The following CRYBG1 variants were observed in gnomAD, a reference collection of about 807,000 sequenced individuals.
The protein encoded by CRYBG1 is crystallin beta-gamma domain containing 1.
Under a neutral mutation model 189.2 loss-of-function variants are expected in CRYBG1, and 139 were observed. That is an observed-to-expected ratio of 0.73 (90% CI 0.64 to 0.85). The LOEUF is 0.85. Among genes scored for constraint, CRYBG1 ranks in the 40% least tolerant of loss-of-function variants. The pLI is 0.00. For missense variants in CRYBG1, 2,611 were observed against 2,675.8 expected (o/e 0.98, Z 0.53); for synonymous variants, 1,023 against 1,017.1 (o/e 1.01, Z -0.11).
Position 106,512,995 on chromosome 6 carries a change from C to A in CRYBG1, c.1878C>A (p.Asn626Lys), listed in dbSNP as rs748033894. The A allele has an allele frequency of 1.2e-6, 2 of 1,609,558 alleles. No homozygotes were observed. Among genetic ancestry groups the A allele is most frequent in the Non-Finnish European group, 1.7e-6 (2 of 1,179,776 alleles). ...ACGCCGACGGCTTGAAGCCCAGGAA[C>A]CATTTCGGCGTGGGCAGGTCGACAG... ...ASDADGLKPR[N>K]HFGVGRSTVT... is the part of the protein sequence containing the mutation. The change falls in exon 3 of 22, where the codon AAC becomes AAA. Residue 626 changes from asparagine (N) to lysine (K), a missense_variant. Coordinates refer to ENST00000633556, the MANE Select transcript of CRYBG1 (RefSeq NM_001371242.2).
intron 2 of CRYBG1, among the ~76,000 whole-genome samples, chr6:106,475,996 G>C (rs563952925): frequency 6.6e-6 from 1 of 152,152 alleles, no homozygotes; most frequent in African/African-American, 2.4e-5. Flanking sequence ...ATGAGTACCT[G>C]TGTAAGTAGG....
intron 1 of CRYBG1, among the ~76,000 whole-genome samples, chr6:106,450,454 A>G (rs1771761806): frequency 6.6e-6 from 1 of 152,126 alleles, no homozygotes; most frequent in Non-Finnish European, 1.5e-5. Context: ...GGCATTCTTC[A>G]TTCAAAGCTG....
intron 3 of CRYBG1, among the ~76,000 whole-genome samples, chr6:106,517,327 T>TATACAC (rs1179339267): frequency 8.5e-5 from 10 of 117,038 alleles, no homozygotes; most frequent in African/African-American, 3.3e-4. Flanking sequence ...CATATATATA[T>TATACAC]ACACATATAT....
chr6:106,451,843 AT>A lies in CRYBG1; in HGVS notation c.312+14del, dbSNP rs373977816. ...GGAATATTTAAAAAGGTAATGCTTC[AT>A]TTCTAATGTTTGACTCCCAAGAATA... On this transcript the variant is annotated intron_variant, in intron 2 of 21. Coordinates refer to ENST00000633556, the MANE Select transcript of CRYBG1 (RefSeq NM_001371242.2). 4,604 of 1,532,718 alleles carry A rather than the reference AT, an allele frequency of 3.0e-3. 163 individuals are homozygous for A. In the South Asian group the frequency reaches 0.052, roughly 17 times the overall value. The allele number at this position is 1,532,718 out of a possible 1,614,324, so 94.9% of individuals were successfully genotyped here. A position where few individuals can be genotyped will look rare whatever the true frequency, so the allele number is the denominator to read the frequency against.
intron 1 of CRYBG1, among the ~76,000 whole-genome samples, chr6:106,416,229 C>T (rs1422990297): frequency 6.6e-6 from 1 of 152,224 alleles, no homozygotes. Context: ...TGTGGACCCA[C>T]GGAGTTCCAG....
At chr6:106,392,516 G>C (rs1044164313) in intron 1 of CRYBG1, among the ~76,000 whole-genome samples, 5 of 152,208 alleles carry the variant, frequency 3.3e-5, no homozygotes, top group Non-Finnish European at 7.3e-5. Flanking sequence ...GAAAAGGACA[G>C]TGCTAAGAGG....
chr6:106,528,161 A>G (rs202170314), intron 7 of CRYBG1, among the ~76,000 whole-genome samples: 1 of 152,232 alleles, frequency 6.6e-6, no homozygotes, highest in East Asian at 1.9e-4. Context: ...AGTAAGGATG[A>G]GTAACAGTTT....
intron 2 of CRYBG1, among the ~76,000 whole-genome samples, chr6:106,470,073 TC>T (rs1772199100): frequency 6.6e-6 from 1 of 152,148 alleles, no homozygotes; most frequent in African/African-American, 2.4e-5. Flanking sequence ...CTCCCTTTGG[TC>T]CCCGAGGTGT....
At position 106,511,677 on chromosome 6, in the gene CRYBG1, G is replaced by T; in HGVS notation, c.560G>T (p.Arg187Leu). The part of the protein sequence containing the change: ...QTDTSEEGSP[R>L]ENPREAEGEL... ...GACACAAGCGAGGAGGGCTCCCCGC[G>T]GGAGAATCCCCGAGAGGCAGAGGGC... The change falls in exon 3 of 22, where the codon CGG (arginine) becomes CTG (leucine). Residue 187 changes from arginine to leucine, a missense_variant. Transcript: ENST00000633556. The T allele has an allele frequency of 2.6e-6, 4 of 1,535,672 alleles. No homozygotes were observed. Among genetic ancestry groups the T allele is most frequent in the Non-Finnish European group, 3.5e-6 (4 of 1,146,630 alleles).
In CRYBG1 at chr6:106,424,019, TTC is replaced by T. The variant is rs199767195; in HGVS notation, c.174-27664_174-27663del. On this transcript the variant is annotated intron_variant, in intron 1 of 21. Coordinates refer to ENST00000633556, the MANE Select transcript of CRYBG1 (RefSeq NM_001371242.2). The stretch of plus-strand genomic sequence containing the variant: ...TGCGCCCAGCCTCTCCCTCCTTTCC[TTC>T]TCTCTCTCTCATGATTTAAGATAAC... Among the ~76,000 whole-genome samples, 652 of 152,044 alleles carry T rather than the reference TTC, an allele frequency of 4.3e-3. 3 individuals carry two copies. The highest frequency in any genetic ancestry group is 0.015 in the African/African-American group (626 of 41,488).
At chr6:106,469,671 C>A (rs948380324) in intron 2 of CRYBG1, among the ~76,000 whole-genome samples, 5 of 152,116 alleles carry the variant, frequency 3.3e-5, no homozygotes, top group African/African-American at 4.8e-5. Flanking sequence ...GTTTTGTAAT[C>A]GTTGATATTA....
At position 106,519,952 on chromosome 6, in the gene CRYBG1, T is replaced by C; in HGVS notation, c.2744T>C (p.Val915Ala). The change falls in exon 4 of 22, where the codon GTG becomes GCG. Residue 915 changes from valine to alanine, a missense_variant. Physicochemically the swap from Val to Ala is moderately conservative, Grantham distance 64. This residue lies in a region of CRYBG1 where 1,622 missense variants were observed against 1,735.0 expected (regional missense o/e 0.93). Transcript: ENST00000633556. ...AACCATAAAGGATGTGTTTTGCCTG[T>C]GTCTCGTCAGAACAATGAGAAAATG... ...SENHKGCVLP[V>A]SRQNNEKMPL... is the part of the protein sequence containing the mutation. The C allele has an allele frequency of 6.2e-7, 1 of 1,614,196 alleles. No homozygotes were observed. The highest frequency in any genetic ancestry group is 8.5e-7 in the Non-Finnish European group (1 of 1,180,042).
chr6:106,532,266 T>C lies in CRYBG1; in HGVS notation c.4718+1951T>C, dbSNP rs1773894491. ...TGGAATAGAACACCAGAACTTATTC[T>C]ATTATATATTTTTACCACATTTTCT... On this transcript the variant is annotated intron_variant, in intron 8 of 21. Coordinates refer to ENST00000633556, the MANE Select transcript of CRYBG1 (RefSeq NM_001371242.2). 2.6e-5 allele frequency among the ~76,000 whole-genome samples: 4 copies of C among 152,216 alleles called. No homozygotes were observed. In the South Asian group the frequency reaches 8.3e-4, roughly 31 times the overall value.
intron 1 of CRYBG1, among the ~76,000 whole-genome samples, chr6:106,438,987 C>T (rs1771519774): frequency 6.6e-6 from 1 of 150,658 alleles, no homozygotes; most frequent in Non-Finnish European, 1.5e-5. Context: ...ATCACCTGAC[C>T]CCAGGAGTTT....
intron 21 of CRYBG1, among the ~76,000 whole-genome samples, chr6:106,565,510 G>C (rs1774857038): frequency 6.6e-6 from 1 of 152,076 alleles, no homozygotes; most frequent in Non-Finnish European, 1.5e-5. Context: ...TAAAACAATG[G>C]ACTTAGGATC....
At chr6:106,367,253 G>A (rs540125219) in intron 1 of CRYBG1, among the ~76,000 whole-genome samples, 6 of 152,072 alleles carry the variant, frequency 3.9e-5, no homozygotes, top group Admixed American at 6.6e-5. Context: ...TAAGACCTTC[G>A]AAACTTGAGT....
In CRYBG1 at chr6:106,513,042, A is replaced by C; in HGVS notation, c.1922+3A>C. 6.3e-7 allele frequency: 1 copy of C among 1,598,250 alleles called. No homozygotes were observed. The highest frequency in any genetic ancestry group is 1.3e-5 in the African/African-American group (1 of 74,948). On this transcript the variant is annotated splice_donor_region_variant and intron_variant, in intron 3 of 21. Coordinates refer to ENST00000633556, the MANE Select transcript of CRYBG1 (RefSeq NM_001371242.2). Reference sequence around the variant, plus strand: ...ACAGTGACCACTAAAGTGACCCTGTAAGTAGCCGCGCAAGTCCCGGCCGAG... The same window carrying C: ...ACAGTGACCACTAAAGTGACCCTGTCAGTAGCCGCGCAAGTCCCGGCCGAG...
intron 13 of CRYBG1, among the ~76,000 whole-genome samples, chr6:106,547,999 T>C (rs1329028429): frequency 6.6e-6 from 1 of 152,234 alleles, no homozygotes; most frequent in Non-Finnish European, 1.5e-5. Flanking sequence ...AAAAGTGTTG[T>C]TGTTTTAAAT....
intron 2 of CRYBG1, among the ~76,000 whole-genome samples, chr6:106,490,127 C>T (rs7751708): frequency 2.0e-5 from 3 of 152,196 alleles, no homozygotes; most frequent in South Asian, 4.1e-4. Flanking sequence ...GAATGTCTAC[C>T]TACTGTTTAG....
Sources: gnomAD v4.1 joint callset for allele counts (sites outside exome capture counted in the v4.1 genomes callset) on GRCh38, gnomAD v4.1.1 for gene constraint, gnomAD v4.1.1 regional missense constraint, MANE v1.5 for transcripts, NCBI Gene and HGNC (gene_info 2026-07-23, HGNC 2026-07-21) for gene names.